Variants in PAQR8 observed in about 807,000 individuals in gnomAD.
PAQR8 encodes membrane progestin receptor beta.
PAQR8 carries 17 observed loss-of-function variants against 25.2 expected under a neutral mutation model. That is an observed-to-expected ratio of 0.67 (90% CI 0.46 to 1.01). The LOEUF is 1.01. Ranked by LOEUF, PAQR8 falls within the 50% of genes least tolerant of loss-of-function variation. PAQR8 has a pLI of 0.00. For missense variants in PAQR8, 392 were observed against 448.4 expected (o/e 0.87, Z 1.14); for synonymous variants, 204 against 190.6 (o/e 1.07, Z -0.58).
intron 1 of PAQR8, among the ~76,000 whole-genome samples, chr6:52,389,108 C>CA: frequency 6.6e-6 from 1 of 152,242 alleles, no homozygotes; most frequent in South Asian, 2.1e-4. Context: ...GATGATAGAC[C>CA]AAAAACAAGC....
At chr6:52,378,332 C>A (rs1763509336) in intron 1 of PAQR8, among the ~76,000 whole-genome samples, 1 of 152,204 alleles carries the variant, frequency 6.6e-6, no homozygotes, top group African/African-American at 2.4e-5. Context: ...GAGATAGGAA[C>A]AAGAAGCACA....
In PAQR8 at chr6:52,403,297, T is replaced by A. The variant is rs771416602; in HGVS notation, c.84T>A (p.Asp28Glu). Residue 28 changes from aspartate (D) to glutamate (E), a missense_variant, in exon 2 of 2, where the codon GAT (aspartate) becomes GAA (glutamate). Transcript: ENST00000442253. ...GCCGCCTGCCCAAGATCCTGGAGGA[T>A]GGGCTTCCCAAGATGCCTTGCACTG... ...QLRRLPKILE[D>E]GLPKMPCTVP... 1 of 1,613,986 alleles carries A rather than the reference T, an allele frequency of 6.2e-7. No individual in the cohort carries two copies. Among genetic ancestry groups the A allele is most frequent in the Non-Finnish European group, 8.5e-7 (1 of 1,179,882 alleles).
At chr6:52,381,953 A>G (rs1280121034) in intron 1 of PAQR8, among the ~76,000 whole-genome samples, 2 of 152,190 alleles carry the variant, frequency 1.3e-5, no homozygotes, top group Non-Finnish European at 2.9e-5. Context: ...TATTGTCATA[A>G]GATATATATC....
chr6:52,381,013 C>G (rs1266067635), intron 1 of PAQR8, among the ~76,000 whole-genome samples: 4 of 152,188 alleles, frequency 2.6e-5, no homozygotes, highest in Non-Finnish European at 5.9e-5. Context: ...GCATAAATCT[C>G]TACTTTGGAA....
chr6:52,365,613 GT>G (rs1229579212), intron 1 of PAQR8, among the ~76,000 whole-genome samples: 2 of 152,112 alleles, frequency 1.3e-5, no homozygotes, highest in Non-Finnish European at 2.9e-5. Flanking sequence ...TTGAAGCCAT[GT>G]GGAAATTTAT....
At chr6:52,394,125 A>G (rs1203700250) in intron 1 of PAQR8, among the ~76,000 whole-genome samples, 3 of 152,168 alleles carry the variant, frequency 2.0e-5, no homozygotes, top group African/African-American at 7.2e-5. Context: ...ACAGGGGCCA[A>G]TGAGAGGGAA....
At position 52,364,083 on chromosome 6, in the gene PAQR8, G is replaced by GTTTTTTTTTTTTTTTTTTTT. The variant is rs67846872; in HGVS notation, c.-53+1835_-53+1854dup. Among the ~76,000 whole-genome samples the GTTTTTTTTTTTTTTTTTTTT allele has an allele frequency of 2.1e-4, 18 of 84,268 alleles. 4 individuals are homozygous for GTTTTTTTTTTTTTTTTTTTT. Among genetic ancestry groups the GTTTTTTTTTTTTTTTTTTTT allele is most frequent in the Non-Finnish European group, 3.5e-4 (16 of 45,822 alleles). 55.3% of individuals were successfully genotyped at this position (84,268 alleles called of 152,430 possible). Reference sequence around the variant, plus strand: ...AGTGGATATATCCATTGAAAGATATGTTTTTTTTTTTTTTTTTTTTGCGGG... The same window carrying GTTTTTTTTTTTTTTTTTTTT: ...AGTGGATATATCCATTGAAAGATATGTTTTTTTTTTTTTTTTTTTTTTTTTTTTTTTTTTTTTTTTGCGGG... On this transcript the variant is annotated intron_variant, in intron 1 of 1. Transcript: ENST00000442253.
chr6:52,362,591 G>T lies in PAQR8; in HGVS notation c.-53+342G>T. On this transcript the variant is annotated intron_variant, in intron 1 of 1. Coordinates refer to ENST00000442253, the MANE Select transcript of PAQR8 (RefSeq NM_133367.5). This position sits in a 1 kb window ranked among gnomAD's most constrained non-coding sequence, Gnocchi z 4.1. The stretch of plus-strand genomic sequence containing the variant: ...TGGAGCCTGAGCCTGGAGAGCTGGC[G>T]GGGGTGTGGGGACCGCGATGTTGGG... 1 of 154,222 alleles carries T rather than the reference G, an allele frequency of 6.5e-6. No individual in the cohort carries two copies. Among genetic ancestry groups the T allele is most frequent in the Non-Finnish European group, 1.4e-5 (1 of 69,682 alleles). The allele number at this position is 154,222 out of a possible 1,614,324, so 9.6% of individuals were successfully genotyped here.
At chr6:52,370,386 A>G (rs1232735720) in intron 1 of PAQR8, among the ~76,000 whole-genome samples, 1 of 152,196 alleles carries the variant, frequency 6.6e-6, no homozygotes, top group Non-Finnish European at 1.5e-5. Context: ...TTGGCCACTT[A>G]ATAAGTACCC....
In PAQR8 at chr6:52,404,496, A is replaced by T; in HGVS notation, c.*218A>T. 2.0e-6 allele frequency: 1 copy of T among 495,596 alleles called. No homozygotes were observed. Among genetic ancestry groups the T allele is most frequent in the Admixed American group, 3.6e-5 (1 of 27,894 alleles). 30.7% of individuals were successfully genotyped at this position (495,596 alleles called of 1,614,324 possible). The stretch of plus-strand genomic sequence containing the variant: ...CTTTTGGATCATAGCTTAACAAGGC[A>T]CAGGAAGGGAAGGGATCTTGACTAA... On this transcript the variant is annotated 3_prime_UTR_variant, in exon 2 of 2. Coordinates refer to ENST00000442253, the MANE Select transcript of PAQR8 (RefSeq NM_133367.5).
chr6:52,372,579 A>T (rs949976916), intron 1 of PAQR8, among the ~76,000 whole-genome samples: 9 of 152,098 alleles, frequency 5.9e-5, no homozygotes, highest in African/African-American at 2.2e-4. Flanking sequence ...GTGTGCTAAG[A>T]GTTTTACATG....
At chr6:52,364,968 A>G (rs78656747) in intron 1 of PAQR8, among the ~76,000 whole-genome samples, 18,877 of 152,238 alleles carry the variant, frequency 0.12, 1,558 homozygotes, top group Non-Finnish European at 0.18. Flanking sequence ...TCTGGTATGT[A>G]TGTAAAGTAA....
chr6:52,379,115 A>T (rs899169715), intron 1 of PAQR8, among the ~76,000 whole-genome samples: 28 of 151,810 alleles, frequency 1.8e-4, no homozygotes, highest in African/African-American at 5.3e-4. Context: ...AAAAAAAAAA[A>T]AAAGGAAATT....
rs1295371773 is a variant in PAQR8, at chr6:52,403,295, G to A, written c.82G>A (p.Asp28Asn). ...GCGCCGCCTGCCCAAGATCCTGGAGGATGGGCTTCCCAAGATGCCTTGCAC... is the reference window on the plus strand; with the variant it reads ...GCGCCGCCTGCCCAAGATCCTGGAGAATGGGCTTCCCAAGATGCCTTGCAC... Reference protein sequence around the residue: ...QLRRLPKILEDGLPKMPCTVP... With the variant: ...QLRRLPKILENGLPKMPCTVP... Residue 28 changes from aspartate to asparagine, a missense_variant, in exon 2 of 2, where the codon GAT (aspartate) becomes AAT (asparagine). By Grantham distance (23) the Asp-to-Asn change is conservative. Transcript: ENST00000442253. 1 of 1,613,808 alleles carries A rather than the reference G, an allele frequency of 6.2e-7. No homozygotes were observed. Among genetic ancestry groups the A allele is most frequent in the Non-Finnish European group, 8.5e-7 (1 of 1,179,860 alleles).
At chr6:52,365,441 ATATTAATGAG>A (rs371384398) in intron 1 of PAQR8, among the ~76,000 whole-genome samples, 50 of 152,276 alleles carry the variant, frequency 3.3e-4, no homozygotes, top group African/African-American at 1.2e-3. Context: ...TAAAATGAAG[ATATTAATGAG>A]TATGTACCTC....
At chr6:52,391,319 A>G (rs1763706621) in intron 1 of PAQR8, among the ~76,000 whole-genome samples, 1 of 152,260 alleles carries the variant, frequency 6.6e-6, no homozygotes, top group Non-Finnish European at 1.5e-5. Context: ...ATAAATGTAA[A>G]TATGCTAGTT....
At chr6:52,363,921 C>A (rs1471875649) in intron 1 of PAQR8, among the ~76,000 whole-genome samples, 1 of 151,884 alleles carries the variant, frequency 6.6e-6, no homozygotes, top group Non-Finnish European at 1.5e-5. Flanking sequence ...TCCTTGGGTG[C>A]GTGTCCTTCA....
chr6:52,399,241 A>G (rs569033961), intron 1 of PAQR8, among the ~76,000 whole-genome samples: 28 of 152,282 alleles, frequency 1.8e-4, no homozygotes, highest in African/African-American at 6.5e-4. Context: ...TAACTTGTCA[A>G]CATAAAGTCA....
intron 1 of PAQR8, among the ~76,000 whole-genome samples, chr6:52,398,204 C>CTTTTTTTTT (rs869285681): frequency 3.5e-5 from 3 of 85,818 alleles, no homozygotes; most frequent in Non-Finnish European, 6.1e-5. Context: ...TTTCTTTTTT[C>CTTTTTTTTT]TTTTTTTTTT....
Sources: gnomAD v4.1 joint callset for allele counts (sites outside exome capture counted in the v4.1 genomes callset) on GRCh38, gnomAD v4.1.1 for gene constraint, Gnocchi (gnomAD v3.1) non-coding constraint, MANE v1.5 for transcripts, NCBI Gene and HGNC (gene_info 2026-07-23, HGNC 2026-07-21) for gene names.